The following PPP2R2B variants were observed in gnomAD, a reference collection of about 807,000 sequenced individuals.
The protein encoded by PPP2R2B is protein phosphatase 2 regulatory subunit Bbeta, also known as serine/threonine-protein phosphatase 2A 55 kDa regulatory subunit B beta isoform.
A neutral mutation model predicts 46.0 loss-of-function variants in PPP2R2B; 5 were observed. The ratio of observed to expected loss-of-function variants is 0.11; its 90% CI spans 0.06 to 0.23. PPP2R2B has a LOEUF of 0.23. PPP2R2B is among the 10% of genes least tolerant of loss of function. PPP2R2B has a pLI of 1.00. For missense variants in PPP2R2B, 367 were observed against 575.0 expected (o/e 0.64, Z 3.70); for synonymous variants, 215 against 206.7 (o/e 1.04, Z -0.34).
chr5:146,896,906 G>T (rs1205668554), intron 1 of PPP2R2B, among the ~76,000 whole-genome samples: 1 of 152,108 alleles, frequency 6.6e-6, no homozygotes, highest in Admixed American at 6.6e-5. Context: ...GGATATAGAA[G>T]TGGACCAGCT....
intron 1 of PPP2R2B, among the ~76,000 whole-genome samples, chr5:147,021,512 G>A (rs1755266635): frequency 6.6e-6 from 1 of 152,188 alleles, no homozygotes; most frequent in African/African-American, 2.4e-5. Context: ...AAATACTGGG[G>A]AGGTATAAAT....
At chr5:146,909,418 C>T (rs1763107160) in intron 1 of PPP2R2B, among the ~76,000 whole-genome samples, 1 of 152,198 alleles carries the variant, frequency 6.6e-6, no homozygotes. Flanking sequence ...GCATTTTCCT[C>T]ACCATTATGC....
intron 7 of PPP2R2B, among the ~76,000 whole-genome samples, chr5:146,618,214 G>A (rs536472311): frequency 1.3e-5 from 2 of 152,164 alleles, no homozygotes; most frequent in Non-Finnish European, 2.9e-5. Context: ...GAAGGCAAGA[G>A]GGTCAAAGTC....
intron 2 of PPP2R2B, among the ~76,000 whole-genome samples, chr5:146,832,616 C>T (rs1265337917): frequency 8.6e-5 from 13 of 151,800 alleles, no homozygotes; most frequent in Admixed American, 8.5e-4. Context: ...GTCTTGAACT[C>T]CTGACCTTAG....
chr5:146,618,790 G>A (rs1010045921), intron 7 of PPP2R2B, among the ~76,000 whole-genome samples: 2 of 152,140 alleles, frequency 1.3e-5, no homozygotes, highest in East Asian at 3.9e-4. Flanking sequence ...CCCATAAGCC[G>A]ACACAGTTCA....
chr5:146,868,594 T>C (rs1439018803), intron 2 of PPP2R2B, among the ~76,000 whole-genome samples: 1 of 152,204 alleles, frequency 6.6e-6, no homozygotes, highest in African/African-American at 2.4e-5. Context: ...TGACAAATTA[T>C]GGTAGCAGGA....
intron 7 of PPP2R2B, among the ~76,000 whole-genome samples, chr5:146,614,325 C>T (rs1772931822): frequency 2.0e-5 from 1 of 49,906 alleles, no homozygotes; most frequent in Non-Finnish European, 3.1e-5. Flanking sequence ...TGGATCCCTT[C>T]CTTACACCTT....
intron 2 of PPP2R2B, among the ~76,000 whole-genome samples, chr5:146,781,450 G>C (rs559017423): frequency 6.6e-6 from 1 of 151,106 alleles, no homozygotes; most frequent in African/African-American, 2.4e-5. Flanking sequence ...GTAGTCACTC[G>C]ACCACCTGGA....
intron 1 of PPP2R2B, among the ~76,000 whole-genome samples, chr5:147,036,236 G>A (rs1449668220): frequency 6.6e-6 from 1 of 152,086 alleles, no homozygotes; most frequent in African/African-American, 2.4e-5. Flanking sequence ...TCATCATTGA[G>A]CTCCCACTTA....
chr5:146,874,419 G>A (rs988182672), intron 2 of PPP2R2B, among the ~76,000 whole-genome samples: 6 of 152,224 alleles, frequency 3.9e-5, no homozygotes, highest in Admixed American at 3.9e-4. Flanking sequence ...AGGGAAGGTG[G>A]AACCCACTTG....
intron 2 of PPP2R2B, among the ~76,000 whole-genome samples, chr5:146,830,505 C>A (rs764164569): frequency 1.3e-5 from 2 of 151,554 alleles, no homozygotes; most frequent in African/African-American, 2.4e-5. Context: ...GTATTTTTAA[C>A]CAATAGTATC....
intron 6 of PPP2R2B, among the ~76,000 whole-genome samples, chr5:146,648,942 T>C (rs1012546838): frequency 1.3e-5 from 2 of 152,224 alleles, no homozygotes; most frequent in Admixed American, 1.3e-4. Context: ...CCAAGTTAAA[T>C]AACTTGGATT....
intron 1 of PPP2R2B, chr5:146,918,013 C>T (rs1763455747): frequency 6.6e-6 from 1 of 152,194 alleles, no homozygotes; most frequent in Admixed American, 6.6e-5. Flanking sequence ...AGTAAGATGC[C>T]CCCTCACACT....
chr5:146,723,661 T>A (rs1241744406), intron 2 of PPP2R2B, among the ~76,000 whole-genome samples: 2 of 152,198 alleles, frequency 1.3e-5, no homozygotes, highest in Admixed American at 1.3e-4. Flanking sequence ...GTTTTCATTG[T>A]TCTTTACTGA....
At chr5:147,061,907 C>A (rs7709184) in intron 2 of PPP2R2B, among the ~76,000 whole-genome samples, 6 of 152,154 alleles carry the variant, frequency 3.9e-5, no homozygotes, top group African/African-American at 1.4e-4. Context: ...CAAATAAAAT[C>A]TCTTAATTTA....
At chr5:146,781,716 T>A (rs1436540597) in intron 2 of PPP2R2B, among the ~76,000 whole-genome samples, 10 of 152,102 alleles carry the variant, frequency 6.6e-5, no homozygotes, top group African/African-American at 2.4e-4. Context: ...TTTCACAGAA[T>A]CATAGTTGTC....
At chr5:146,662,328 G>A (rs455975) in intron 5 of PPP2R2B, among the ~76,000 whole-genome samples, 115,403 of 152,058 alleles carry the variant, frequency 0.76, 45,217 homozygotes, top group Non-Finnish European at 0.86. Context: ...TGTCAGTTCT[G>A]CCTCCCACCA....
At chr5:147,055,908 T>C (rs1757067011) in exon 1 of PPP2R2B, 1 of 1,436,836 alleles carries the variant, frequency 7.0e-7, no homozygotes, top group African/African-American at 1.4e-5. Flanking sequence ...GGGTCCCATT[T>C]TGCCATCAGC....
intron 2 of PPP2R2B, among the ~76,000 whole-genome samples, chr5:146,816,235 C>T (rs1757923805): frequency 6.6e-6 from 1 of 152,078 alleles, no homozygotes; most frequent in South Asian, 2.1e-4. Flanking sequence ...GAGACTCCAT[C>T]TCTACAAAAA....
Sources: allele counts gnomAD v4.1 joint callset (sites outside exome capture counted in the v4.1 genomes callset), GRCh38; gene constraint gnomAD v4.1.1; transcripts MANE v1.5; gene names NCBI Gene and HGNC (gene_info 2026-07-23, HGNC 2026-07-21).